NMRK2: variants seen among roughly 807,000 people sequenced by gnomAD.
The protein encoded by NMRK2 is NRK 2.
Under a neutral mutation model 24.7 loss-of-function variants are expected in NMRK2, and 34 were observed. That is an observed-to-expected ratio of 1.37 (90% CI 1.05 to 1.83). NMRK2 has a LOEUF of 1.83. Ranked by LOEUF, NMRK2 falls within the 40% of genes most tolerant of loss-of-function variation. The pLI is 0.00. For synonymous variants in NMRK2, 145 were observed against 125.6 expected, an observed-to-expected ratio of 1.15 and a Z score of -1.03; for missense variants, 341 against 315.0, an observed-to-expected ratio of 1.08 and a Z score of -0.62.
intron 2 of NMRK2, among the ~76,000 whole-genome samples, chr19:3,936,064 A>T (rs2039207542): frequency 6.6e-6 from 1 of 152,074 alleles, no homozygotes; most frequent in Non-Finnish European, 1.5e-5. Context: ...CACAAAAATT[A>T]GTTGGGTGTG....
At position 3,933,480 on chromosome 19, in the gene NMRK2, G is replaced by C. The variant is rs981311243; in HGVS notation, c.-192G>C. On this transcript the variant is annotated 5_prime_UTR_variant, in exon 2 of 8. Transcript: ENST00000168977. ...CAGCCTGGAGCTATTTCCATTCGGC[G>C]GCGGGAACAGGTGCCGGCGCCTCCG... 3.7e-6 allele frequency: 2 copies of C among 547,084 alleles called. No homozygotes were observed. The highest frequency in any genetic ancestry group is 3.1e-6 in the Non-Finnish European group (1 of 317,970). The allele number at this position is 547,084 out of a possible 1,614,324, so 33.9% of individuals were successfully genotyped here. A position where few individuals can be genotyped will look rare whatever the true frequency, so the allele number is the denominator to read the frequency against.
At chr19:3,940,077 T>C (rs896959129) in intron 6 of NMRK2, 106 bp downstream of exon 6, 4 of 988,236 alleles carry the variant, frequency 4.0e-6, no homozygotes, top group Non-Finnish European at 6.2e-6. Context: ...CTGGGCACAG[T>C]GTCTCTGGGC....
chr19:3,937,123 C>A, intron 3 of NMRK2, 117 bp from the exon 4 acceptor site: 1 of 945,848 alleles, frequency 1.1e-6, no homozygotes, highest in Non-Finnish European at 1.7e-6. Context: ...AGGCAGAGCC[C>A]CCACGCCTCA....
intron 2 of NMRK2, among the ~76,000 whole-genome samples, chr19:3,935,687 C>T (rs2039201244): frequency 6.6e-6 from 1 of 151,942 alleles, no homozygotes; most frequent in African/African-American, 2.4e-5. Flanking sequence ...TCAGGCGATC[C>T]TCCCATCTCA....
Position 3,933,521 on chromosome 19 carries a change from C to A in NMRK2, c.-151C>A. The A allele has an allele frequency of 1.3e-6, 1 of 799,116 alleles. No individual in the cohort carries two copies. Among genetic ancestry groups the A allele is most frequent in the Non-Finnish European group, 1.9e-6 (1 of 539,498 alleles). The allele number at this position is 799,116 out of a possible 1,614,324, so 49.5% of individuals were successfully genotyped here. On this transcript the variant is annotated 5_prime_UTR_variant, in exon 2 of 8. Transcript: ENST00000168977. Reference sequence around the variant, plus strand: ...GGCGCCTCCGCCCCATCCCCAGGGGCCGCCTCCCCCGGGGCGGCCTCCAGG... The same window carrying A: ...GGCGCCTCCGCCCCATCCCCAGGGGACGCCTCCCCCGGGGCGGCCTCCAGG...
chr19:3,942,208 G>A lies in NMRK2; in HGVS notation c.628G>A (p.Gly210Arg). The A allele has an allele frequency of 1.9e-6, 3 of 1,613,014 alleles. No individual in the cohort carries two copies. Among genetic ancestry groups the A allele is most frequent in the Non-Finnish European group, 2.5e-6 (3 of 1,179,940 alleles). Reference protein sequence around the residue: ...PSPARPARTQGPGRGCGHRTA... With the variant: ...PSPARPARTQRPGRGCGHRTA... ...CCCGGCTCGCCCAGCCAGGACACAG[G>A]GACCCGGACGCGGATGCGGCCACAG... Residue 210 changes from glycine (G) to arginine (R), a missense_variant, in exon 8 of 8, where the codon GGA becomes AGA. Gly to Arg is a moderately radical substitution (Grantham distance 125, BLOSUM62 -2). Transcript: ENST00000168977.
At chr19:3,940,057 C>T in intron 6 of NMRK2, 86 bp downstream of exon 6, 3 of 1,185,916 alleles carry the variant, frequency 2.5e-6, no homozygotes, top group Non-Finnish European at 3.7e-6. Context: ...CTAGAAAATG[C>T]CACTGGGGGC....
chr19:3,938,496 C>A, intron 4 of NMRK2, 107 bp from the exon 5 acceptor site: 1 of 980,244 alleles, frequency 1.0e-6, no homozygotes, highest in Non-Finnish European at 1.4e-6. Flanking sequence ...CTGCAATGCC[C>A]GCTCCCCATC....
At chr19:3,933,734 G>T in intron 2 of NMRK2, 37 bp downstream of exon 2, 3 of 1,395,454 alleles carry the variant, frequency 2.1e-6, no homozygotes, top group Non-Finnish European at 2.8e-6. Context: ...GCCCTGCGGG[G>T]CAAAGCCCCC....
Position 3,938,773 on chromosome 19 carries a change from G to A in NMRK2, c.323+14G>A, listed in dbSNP as rs1202847323. On this transcript the variant is annotated intron_variant, in intron 5 of 7. Transcript: ENST00000168977. The stretch of plus-strand genomic sequence containing the variant: ...CTACAGCTACAAGTAAACATCTGCA[G>A]GCTCTGGCCCCAGGCATGGCCCTCT... The A allele has an allele frequency of 1.3e-6, 2 of 1,558,954 alleles. No individual in the cohort carries two copies. The highest frequency in any genetic ancestry group is 1.7e-6 in the Non-Finnish European group (2 of 1,147,588).
At chr19:3,935,791 C>T (rs1599159389) in intron 2 of NMRK2, among the ~76,000 whole-genome samples, 1 of 151,604 alleles carries the variant, frequency 6.6e-6, no homozygotes, top group East Asian at 2.0e-4. Flanking sequence ...GTTGCCCAGG[C>T]TAGTCCTGAG....
chr19:3,936,423 G>T, intron 2 of NMRK2, 152 bp from the exon 3 acceptor site: 1 of 551,338 alleles, frequency 1.8e-6, no homozygotes, highest in East Asian at 3.1e-5. Flanking sequence ...AAAAGAAAAA[G>T]AATCAGAAAA....
chr19:3,942,332 C>A lies in NMRK2; in HGVS notation c.*59C>A. 6.7e-7 allele frequency: 1 copy of A among 1,484,870 alleles called. No individual in the cohort carries two copies. The highest frequency in any genetic ancestry group is 9.1e-7 in the Non-Finnish European group (1 of 1,099,918). 92.0% of individuals were successfully genotyped at this position (1,484,870 alleles called of 1,614,324 possible). ...AGTGGAGGCCCCACTCCCAGTTGGGCGTCCCGGAGCTCAGGGACTGAGCCC... is the reference window on the plus strand; with the variant it reads ...AGTGGAGGCCCCACTCCCAGTTGGGAGTCCCGGAGCTCAGGGACTGAGCCC... On this transcript the variant is annotated 3_prime_UTR_variant, in exon 8 of 8. Transcript: ENST00000168977.
chr19:3,933,550 C>G lies in NMRK2; in HGVS notation c.-122C>G, dbSNP rs1439893316. On this transcript the variant is annotated 5_prime_UTR_variant, in exon 2 of 8. Coordinates refer to ENST00000168977, the MANE Select transcript of NMRK2 (RefSeq NM_170678.3). The stretch of plus-strand genomic sequence containing the variant: ...CTCCCCCGGGGCGGCCTCCAGGCTG[C>G]CGAGACCTATAAAGGCGCCAGGTTT... 2 of 1,243,594 alleles carry G rather than the reference C, an allele frequency of 1.6e-6. No homozygotes were observed. The highest frequency in any genetic ancestry group is 1.1e-6 in the Non-Finnish European group (1 of 918,888). The allele number at this position is 1,243,594 out of a possible 1,614,324, so 77.0% of individuals were successfully genotyped here.
At chr19:3,935,569 T>G (rs2145289997) in intron 2 of NMRK2, among the ~76,000 whole-genome samples, 1 of 151,592 alleles carries the variant, frequency 6.6e-6, no homozygotes, top group East Asian at 2.0e-4. Flanking sequence ...ATTGTTTATA[T>G]TATCTATTTA....
chr19:3,937,287 C>A lies in NMRK2; in HGVS notation c.165C>A (p.Asp55Glu). 1 of 1,613,086 alleles carries A rather than the reference C, an allele frequency of 6.2e-7. No individual in the cohort carries two copies. The highest frequency in any genetic ancestry group is 8.5e-7 in the Non-Finnish European group (1 of 1,179,374). ...GGGAAGACGGCTTCAAACAGTGGGA[C>A]GGTAAGGACAAGCATCACCTCCAAG... ...AVGEDGFKQW[D>E]VLESLDMEAM... Residue 55 changes from aspartate to glutamate, a missense_variant and splice_region_variant, in exon 4 of 8, where the codon GAC becomes GAA. Asp to Glu is a conservative substitution (Grantham distance 45). Coordinates refer to ENST00000168977, the MANE Select transcript of NMRK2 (RefSeq NM_170678.3).
intron 1 of NMRK2, 24 bp from the exon 2 acceptor site, chr19:3,933,434 G>A (rs1231981367): frequency 7.9e-6 from 4 of 506,368 alleles, no homozygotes; most frequent in Admixed American, 3.9e-5. Flanking sequence ...CGGCCAGCTC[G>A]TGACTAATTT....
intron 3 of NMRK2, 24 bp from the exon 4 acceptor site, chr19:3,937,216 G>A (rs765305255): frequency 5.6e-6 from 9 of 1,612,390 alleles, no homozygotes; most frequent in Middle Eastern, 1.6e-4. Context: ...CACTGAGCCC[G>A]AGGTTCAGGC....
intron 1 of NMRK2, 109 bp from the exon 2 acceptor site, chr19:3,933,349 A>T (rs1203001755): frequency 2.9e-6 from 1 of 341,122 alleles, no homozygotes; most frequent in Non-Finnish European, 5.1e-6. Flanking sequence ...GGAGGGGGTA[A>T]GAAGGGGAGG....
Sources: allele counts gnomAD v4.1 joint callset (sites outside exome capture counted in the v4.1 genomes callset), GRCh38; gene constraint gnomAD v4.1.1; transcripts MANE v1.5; gene names NCBI Gene and HGNC (gene_info 2026-07-23, HGNC 2026-07-21).